The following MAP3K5 variants were observed in gnomAD, a reference collection of about 807,000 sequenced individuals.
The protein encoded by MAP3K5 is ASK-1.
MAP3K5 carries 56 observed loss-of-function variants against 158.7 expected under a neutral mutation model. That is an observed-to-expected ratio of 0.35 (90% CI 0.28 to 0.44). MAP3K5 has a LOEUF of 0.44. Ranked by LOEUF, MAP3K5 falls within the 20% of genes least tolerant of loss-of-function variation. The probability of loss-of-function intolerance (pLI) is 1.00; values close to 1 mark genes in which losing one functional copy is unlikely to be tolerated. For missense variants in MAP3K5, 1,294 were observed against 1,674.8 expected (o/e 0.77, Z 3.97); for synonymous variants, 579 against 601.7 (o/e 0.96, Z 0.55).
chr6:136,767,951 T>A (rs538025008), intron 1 of MAP3K5, among the ~76,000 whole-genome samples: 1 of 152,302 alleles, frequency 6.6e-6, no homozygotes, highest in East Asian at 1.9e-4. Flanking sequence ...GAAAATCCAA[T>A]GGCAAAAGAA....
chr6:136,568,404 C>T (rs1487102618), intron 25 of MAP3K5, among the ~76,000 whole-genome samples: 2 of 152,198 alleles, frequency 1.3e-5, no homozygotes, highest in Non-Finnish European at 2.9e-5. Context: ...AAATGCCACA[C>T]GCAGGCTGAT....
At chr6:136,672,780 A>G (rs1779538712) in intron 7 of MAP3K5, among the ~76,000 whole-genome samples, 3 of 152,130 alleles carry the variant, frequency 2.0e-5, no homozygotes, top group Non-Finnish European at 2.9e-5. Flanking sequence ...ACTTGAGGTC[A>G]GTAGTTCAAG....
chr6:136,720,487 T>A lies in MAP3K5; in HGVS notation c.551A>T (p.Tyr184Phe), dbSNP rs371620734. Residue 184 changes from tyrosine to phenylalanine, a missense_variant, in exon 2 of 30, where the codon TAC becomes TTC. Around this residue, in one of 5 missense-constraint regions of MAP3K5, gnomAD observed 690 missense variants for 870.5 expected, o/e 0.79. Transcript: ENST00000359015. ...SFSMANNIIL[Y>F]CDTNSDSLQS... ...CAGAGAGTCCGAGTTAGTATCACAG[T>A]AGAGGATGATGTTGTTGGCCATGCT... 1.1e-5 allele frequency: 18 copies of A among 1,613,010 alleles called. No individual in the cohort carries two copies. The African/African-American group carries it at 2.3e-4, about 20-fold the overall frequency.
At chr6:136,602,304 T>G (rs1159443267) in intron 19 of MAP3K5, among the ~76,000 whole-genome samples, 2 of 152,156 alleles carry the variant, frequency 1.3e-5, no homozygotes, top group Non-Finnish European at 2.9e-5. Flanking sequence ...TTTTCTTTCT[T>G]TCTTTCTTTT....
intron 2 of MAP3K5, among the ~76,000 whole-genome samples, chr6:136,713,203 T>C (rs1339707231): frequency 6.6e-6 from 1 of 152,202 alleles, no homozygotes; most frequent in Admixed American, 6.5e-5. Flanking sequence ...AAGTAGTCCT[T>C]CTTACTCTTT....
At chr6:136,737,035 G>A (rs34127775) in intron 1 of MAP3K5, among the ~76,000 whole-genome samples, 39,781 of 116,126 alleles carry the variant, frequency 0.34, 7,560 homozygotes, top group East Asian at 0.43. Context: ...ATATATGTGT[G>A]TGTATATATA....
chr6:136,753,963 T>C (rs1282289241), intron 1 of MAP3K5, among the ~76,000 whole-genome samples: 1 of 152,082 alleles, frequency 6.6e-6, no homozygotes, highest in Non-Finnish European at 1.5e-5. Context: ...CAAGTTCAGT[T>C]TGGTGGAAGA....
At chr6:136,729,712 C>A (rs1049336574) in intron 1 of MAP3K5, among the ~76,000 whole-genome samples, 2 of 152,170 alleles carry the variant, frequency 1.3e-5, no homozygotes. Flanking sequence ...AGAGGTATGT[C>A]AGGATCTAAG....
chr6:136,573,055 G>T (rs1774442212), intron 25 of MAP3K5, among the ~76,000 whole-genome samples: 1 of 152,186 alleles, frequency 6.6e-6, no homozygotes, highest in Non-Finnish European at 1.5e-5. Context: ...GCTAAGGATG[G>T]CCAGATAGCT....
chr6:136,650,106 A>G (rs1778452067), intron 11 of MAP3K5, among the ~76,000 whole-genome samples: 1 of 152,024 alleles, frequency 6.6e-6, no homozygotes, highest in Admixed American at 6.6e-5. Flanking sequence ...CAGGAACTTC[A>G]CTCATTTTGG....
At chr6:136,691,993 A>AT (rs1479913844) in intron 7 of MAP3K5, among the ~76,000 whole-genome samples, 1 of 151,560 alleles carries the variant, frequency 6.6e-6, no homozygotes. Context: ...TCTATGAATA[A>AT]TTTTTTTCTT....
At chr6:136,599,168 AG>A (rs60470020) in intron 21 of MAP3K5, among the ~76,000 whole-genome samples, 71,091 of 121,606 alleles carry the variant, frequency 0.58, 20,184 homozygotes, top group African/African-American at 0.68. Flanking sequence ...CAAAAAAAAA[AG>A]GGGGGGGGGG....
chr6:136,656,505 C>T, intron 9 of MAP3K5, 45 bp from the exon 10 acceptor site: 2 of 1,224,292 alleles, frequency 1.6e-6, no homozygotes, highest in Non-Finnish European at 1.1e-6. Context: ...AAATTTAGAA[C>T]CACCTGTTCC....
At chr6:136,585,096 T>G (rs963022591) in intron 23 of MAP3K5, among the ~76,000 whole-genome samples, 8 of 149,704 alleles carry the variant, frequency 5.3e-5, no homozygotes, top group African/African-American at 1.7e-4. Context: ...AAAATGATTT[T>G]TTCTTTTTGT....
chr6:136,565,537 T>C (rs1774062097), intron 26 of MAP3K5, among the ~76,000 whole-genome samples: 1 of 152,232 alleles, frequency 6.6e-6, no homozygotes, highest in Non-Finnish European at 1.5e-5. Flanking sequence ...GCTCAGGTGA[T>C]CCTCCAAGCA....
intron 1 of MAP3K5, among the ~76,000 whole-genome samples, chr6:136,734,136 G>T (rs1420351350): frequency 6.6e-6 from 1 of 152,070 alleles, no homozygotes; most frequent in Non-Finnish European, 1.5e-5. Flanking sequence ...AGAAATGGGG[G>T]CTGGGTGCGG....
At chr6:136,605,527 A>T (rs1182721052) in intron 18 of MAP3K5, among the ~76,000 whole-genome samples, 161 bp from the exon 19 acceptor site, 3 of 152,252 alleles carry the variant, frequency 2.0e-5, no homozygotes, top group African/African-American at 7.2e-5. Flanking sequence ...TGCTATTAAT[A>T]AAAGTGGAAA....
intron 1 of MAP3K5, among the ~76,000 whole-genome samples, chr6:136,754,109 C>T (rs1346014090): frequency 6.6e-6 from 1 of 151,664 alleles, no homozygotes; most frequent in Non-Finnish European, 1.5e-5. Context: ...CCCATCTCTA[C>T]TAAAAATACA....
intron 1 of MAP3K5, among the ~76,000 whole-genome samples, chr6:136,750,164 G>A (rs1459628008): frequency 2.0e-5 from 3 of 152,028 alleles, no homozygotes; most frequent in Non-Finnish European, 2.9e-5. Context: ...TGTAACCTCC[G>A]CCTCCTAGGT....
Sources: gnomAD v4.1 joint callset for allele counts (sites outside exome capture counted in the v4.1 genomes callset) on GRCh38, gnomAD v4.1.1 for gene constraint, gnomAD v4.1.1 regional missense constraint, MANE v1.5 for transcripts, NCBI Gene and HGNC (gene_info 2026-07-23, HGNC 2026-07-21) for gene names.